The following MIPEP variants were observed in gnomAD, a reference collection of about 807,000 sequenced individuals.
The protein encoded by MIPEP is mitochondrial intermediate peptidase.
In MIPEP, 79 loss-of-function variants were observed where a neutral mutation model predicts 90.3. That is an observed-to-expected ratio of 0.87 (90% CI 0.73 to 1.05). MIPEP has a LOEUF of 1.05. Among genes scored for constraint, MIPEP ranks in the 50% least tolerant of loss-of-function variants. The pLI, the probability that MIPEP is intolerant of heterozygous loss-of-function variation, is 0.00. For synonymous variants in MIPEP, 334 were observed against 315.8 expected (o/e 1.06, Z -0.61); for missense variants, 940 against 905.6 (o/e 1.04, Z -0.49).
chr13:23,792,406 A>G lies in MIPEP; in HGVS notation c.1848+13544T>C, dbSNP rs368653013. On this transcript the variant is annotated intron_variant, in intron 16 of 18. Coordinates refer to ENST00000382172, the MANE Select transcript of MIPEP (RefSeq NM_005932.4). ...AGTCTTCATAGTCTTCTCCATCTTT[A>G]TTTTTTGAGGCAGGGTCTTGCCCAG... Among the ~76,000 whole-genome samples, 4 of 152,150 alleles carry G rather than the reference A, an allele frequency of 2.6e-5. No homozygotes were observed. In the East Asian group the frequency reaches 7.7e-4, roughly 29 times the overall value.
chr13:23,851,417 T>G (rs1196546505), intron 10 of MIPEP, among the ~76,000 whole-genome samples: 1 of 152,216 alleles, frequency 6.6e-6, no homozygotes. Flanking sequence ...TGTCACTAGT[T>G]CAGAAAACTA....
At chr13:23,857,343 T>C (rs946065392) in intron 10 of MIPEP, among the ~76,000 whole-genome samples, 1 of 152,188 alleles carries the variant, frequency 6.6e-6, no homozygotes, top group Non-Finnish European at 1.5e-5. Context: ...GAATTTGAGA[T>C]ACATTTTTAA....
chr13:23,853,501 T>C (rs770288431), intron 10 of MIPEP, among the ~76,000 whole-genome samples: 24 of 151,988 alleles, frequency 1.6e-4, no homozygotes, highest in Non-Finnish European at 3.2e-4. Context: ...GTGTAGGCTA[T>C]ACCCTTAGGT....
chr13:23,779,648 G>A (rs1232898588), intron 16 of MIPEP, among the ~76,000 whole-genome samples: 1 of 152,074 alleles, frequency 6.6e-6, no homozygotes, highest in Non-Finnish European at 1.5e-5. Context: ...GTGAGCCAAA[G>A]CAGGGTGAGG....
chr13:23,805,921 A>G (rs1030938661), intron 16 of MIPEP, 29 bp downstream of exon 16: 4 of 1,611,468 alleles, frequency 2.5e-6, no homozygotes, highest in Non-Finnish European at 3.4e-6. Context: ...CACTCAATAC[A>G]CAAAACAGAA....
At chr13:23,744,283 A>G (rs1394681266) in intron 18 of MIPEP, among the ~76,000 whole-genome samples, 1 of 152,230 alleles carries the variant, frequency 6.6e-6, no homozygotes, top group African/African-American at 2.4e-5. Flanking sequence ...TGTCCCCATG[A>G]TATCTTACTC....
intron 14 of MIPEP, among the ~76,000 whole-genome samples, chr13:23,822,010 A>C (rs9318064): frequency 0.35 from 53,378 of 152,078 alleles, 9,990 homozygotes; most frequent in African/African-American, 0.48. Flanking sequence ...AGATAAAGCA[A>C]TAAAGGAATT....
rs752794654 is a variant in MIPEP, at chr13:23,760,204, C to T, written c.1862G>A (p.Arg621Gln). ...ACCATACCCCACGAGGTGGCTGAAT[C>T]GCAGCTGCCAGGCCTGCCAAGAACA... ...PYVPNTAWQL[R>Q]FSHLVGYGAR... Residue 621 changes from arginine (R) to glutamine (Q), a missense_variant, in exon 17 of 19, where the codon CGA becomes CAA. Physicochemically the swap from Arg to Gln is conservative, Grantham distance 43. Coordinates refer to ENST00000382172, the MANE Select transcript of MIPEP (RefSeq NM_005932.4). The T allele has an allele frequency of 3.3e-5, 53 of 1,613,918 alleles. No individual in the cohort carries two copies. Among genetic ancestry groups the T allele is most frequent in the Middle Eastern group, 1.6e-4 (1 of 6,084 alleles).
At position 23,858,838 on chromosome 13, in the gene MIPEP, G is replaced by A. The variant is rs58112665; in HGVS notation, c.1106+22C>T. The A allele has an allele frequency of 2.1e-3, 3,421 of 1,607,412 alleles. 59 individuals carry two copies. In the African/African-American group the frequency reaches 0.038, roughly 18 times the overall value. On this transcript the variant is annotated intron_variant, in intron 10 of 18. Coordinates refer to ENST00000382172, the MANE Select transcript of MIPEP (RefSeq NM_005932.4). Reference sequence around the variant, plus strand: ...AGTTTCCTTTTTCCTTTTCCTGTACGGGTATTTCTTGAAAAACTTACCTTT... The same window carrying A: ...AGTTTCCTTTTTCCTTTTCCTGTACAGGTATTTCTTGAAAAACTTACCTTT...
intron 17 of MIPEP, among the ~76,000 whole-genome samples, chr13:23,759,328 C>T (rs1042807838): frequency 6.6e-6 from 1 of 151,820 alleles, no homozygotes; most frequent in African/African-American, 2.4e-5. Context: ...TCGCACCCTT[C>T]ACCCAGCACA....
intron 10 of MIPEP, among the ~76,000 whole-genome samples, chr13:23,855,148 A>G (rs915680333): frequency 1.3e-5 from 2 of 152,172 alleles, no homozygotes; most frequent in Non-Finnish European, 2.9e-5. Flanking sequence ...GCCTAATCAA[A>G]AATAAAATTT....
intron 14 of MIPEP, among the ~76,000 whole-genome samples, chr13:23,818,613 T>C (rs1248542023): frequency 6.6e-6 from 1 of 151,914 alleles, no homozygotes; most frequent in Non-Finnish European, 1.5e-5. Flanking sequence ...AGAAAACAGA[T>C]GTGAGGTACA....
chr13:23,744,434 T>G (rs527768837), intron 18 of MIPEP, among the ~76,000 whole-genome samples: 1 of 152,312 alleles, frequency 6.6e-6, no homozygotes, highest in African/African-American at 2.4e-5. Context: ...CTTCCTGGTA[T>G]AATGAGAAAG....
intron 13 of MIPEP, among the ~76,000 whole-genome samples, 171 bp downstream of exon 13, chr13:23,837,381 G>A (rs146902981): frequency 0.013 from 1,952 of 152,268 alleles, 24 homozygotes; most frequent in Non-Finnish European, 0.016. Context: ...AAAAAGCATG[G>A]AAGATCAGGC....
rs375502305 is a variant in MIPEP, at chr13:23,881,818, G to T, written c.364-31C>A. ...AAAGGGGAAAGACAAAACCAAAAGG[G>T]AATTTGATGAGAAGCTTTCTTCCAG... On this transcript the variant is annotated intron_variant, in intron 2 of 18. Transcript: ENST00000382172. 8.0e-4 allele frequency: 1,228 copies of T among 1,529,140 alleles called. 19 individuals are homozygous for T. The South Asian group carries it at 0.013, about 16-fold the overall frequency. The allele number at this position is 1,529,140 out of a possible 1,614,324, so 94.7% of individuals were successfully genotyped here.
At chr13:23,873,189 G>A (rs1246583820) in intron 5 of MIPEP, among the ~76,000 whole-genome samples, 2 of 152,248 alleles carry the variant, frequency 1.3e-5, no homozygotes, top group East Asian at 3.8e-4. Flanking sequence ...AACCTGGTGA[G>A]CAGGCCTAGG....
At chr13:23,865,886 T>G (rs5024795) in intron 7 of MIPEP, among the ~76,000 whole-genome samples, 142,738 of 151,920 alleles carry the variant, frequency 0.94, 67,085 homozygotes, top group East Asian at 1. Flanking sequence ...GGCCAGGCTG[T>G]TCTTGAACTC....
intron 10 of MIPEP, among the ~76,000 whole-genome samples, chr13:23,854,245 T>C (rs916718560): frequency 1.3e-5 from 2 of 150,804 alleles, no homozygotes; most frequent in African/African-American, 2.4e-5. Flanking sequence ...AGGTTACTTA[T>C]ATTGCTCTAC....
chr13:23,818,109 T>C (rs996304886), intron 14 of MIPEP, among the ~76,000 whole-genome samples: 1 of 149,612 alleles, frequency 6.7e-6, no homozygotes, highest in Non-Finnish European at 1.5e-5. Flanking sequence ...AGAAAAACTT[T>C]GGACAAATTA....
Sources: allele counts gnomAD v4.1 joint callset (sites outside exome capture counted in the v4.1 genomes callset), GRCh38; gene constraint gnomAD v4.1.1; transcripts MANE v1.5; gene names NCBI Gene and HGNC (gene_info 2026-07-23, HGNC 2026-07-21).